Variants in ERN1 observed in about 807,000 individuals in gnomAD.
ERN1 encodes serine/threonine-protein kinase/endoribonuclease IRE1.
Under a neutral mutation model 113.1 loss-of-function variants are expected in ERN1, and 39 were observed. That is an observed-to-expected ratio of 0.34 (90% confidence interval 0.27 to 0.45). The LOEUF (loss-of-function observed/expected upper bound fraction) is 0.45, where lower values mean the gene tolerates loss of function less well. Ranked by LOEUF, ERN1 falls within the 20% of genes least tolerant of loss-of-function variation. The pLI is 1.00. For synonymous variants in ERN1, 507 were observed against 515.9 expected (o/e 0.98, Z 0.23); for missense variants, 976 against 1,274.8 (o/e 0.77, Z 3.57).
In ERN1 at chr17:64,055,835, C is replaced by G; in HGVS notation, c.1512G>C (p.Thr504=). ...TGTCCAGGAGCTCGCCGTCCTGAGC[C>G]GTGTCTCCAGGTGGGTGGAAGGGCA... The part of the protein sequence containing the change: ...QQLPFHPPGD[T]AQDGELLDTS... The change falls in exon 13 of 22, where the codon ACG becomes ACC. Residue 504 remains threonine, a synonymous_variant. Transcript: ENST00000433197. 6.4e-7 allele frequency: 1 copy of G among 1,557,154 alleles called. No homozygotes were observed. Among genetic ancestry groups the G allele is most frequent in the African/African-American group, 1.4e-5 (1 of 73,438 alleles).
At chr17:64,118,187 T>C (rs1914862216) in intron 1 of ERN1, among the ~76,000 whole-genome samples, 1 of 152,082 alleles carries the variant, frequency 6.6e-6, no homozygotes, top group Non-Finnish European at 1.5e-5. Context: ...ACCAAAGAGA[T>C]TTTCTGGTTC....
At chr17:64,048,096 A>G in intron 18 of ERN1, 111 bp from the exon 19 acceptor site, 1 of 984,006 alleles carries the variant, frequency 1.0e-6, no homozygotes, top group Non-Finnish European at 1.4e-6. Context: ...ATTTACAGGA[A>G]TTTATTCCAA....
intron 1 of ERN1, among the ~76,000 whole-genome samples, chr17:64,103,700 T>C (rs1356310128): frequency 2.0e-5 from 3 of 152,184 alleles, no homozygotes; most frequent in African/African-American, 7.2e-5. Context: ...CTTCCATTAA[T>C]TAACTACTTA....
chr17:64,084,422 T>C (rs915998823), intron 2 of ERN1, among the ~76,000 whole-genome samples: 4 of 152,104 alleles, frequency 2.6e-5, no homozygotes, highest in African/African-American at 9.7e-5. Flanking sequence ...TGTGTGGACT[T>C]TGGAATCAGA....
At chr17:64,070,900 T>TTCAC (rs1418007214) in intron 6 of ERN1, among the ~76,000 whole-genome samples, 2 of 152,204 alleles carry the variant, frequency 1.3e-5, no homozygotes, top group African/African-American at 4.8e-5. Context: ...GACCCACCCA[T>TTCAC]TCATACATTC....
chr17:64,056,039 G>C, intron 12 of ERN1, 91 bp from the exon 13 acceptor site: 1 of 1,452,810 alleles, frequency 6.9e-7, no homozygotes, highest in African/African-American at 1.4e-5. Context: ...GGCGGAGGGA[G>C]CATGTGTACT....
chr17:64,084,205 C>T (rs1377096414), intron 2 of ERN1, among the ~76,000 whole-genome samples: 4 of 152,054 alleles, frequency 2.6e-5, no homozygotes, highest in South Asian at 2.1e-4. Context: ...TCCTGACTAC[C>T]GTATTTTATT....
Position 64,063,841 on chromosome 17 carries a change from G to T in ERN1, c.1087+145C>A, listed in dbSNP as rs1598053755. 1 of 665,556 alleles carries T rather than the reference G, an allele frequency of 1.5e-6. No homozygotes were observed. Among genetic ancestry groups the T allele is most frequent in the East Asian group, 2.8e-5 (1 of 36,140 alleles). 41.2% of individuals were successfully genotyped at this position (665,556 alleles called of 1,614,324 possible). The stretch of plus-strand genomic sequence containing the variant: ...GTTGATTTTCCTTGGGGGTAAAAAT[G>T]TCCCAAGGTCTCAGGGGCCAGCCGG... On this transcript the variant is annotated intron_variant, in intron 10 of 21. Coordinates refer to ENST00000433197, the MANE Select transcript of ERN1 (RefSeq NM_001433.5). The surrounding 1 kb of genome is among the most constrained non-coding windows in gnomAD (Gnocchi z 5.1).
At chr17:64,073,133 T>C (rs901383903) in intron 5 of ERN1, among the ~76,000 whole-genome samples, 3 of 151,050 alleles carry the variant, frequency 2.0e-5, no homozygotes, top group Non-Finnish European at 4.4e-5. Context: ...AGCCTCCCCA[T>C]AGTTGAGACT....
At position 64,044,876 on chromosome 17, in the gene ERN1, C is replaced by T. The variant is rs368195187; in HGVS notation, c.2705G>A (p.Arg902Gln). Residue 902 changes from arginine (R) to glutamine (Q), a missense_variant, in exon 21 of 22, where the codon CGA (arginine) becomes CAA (glutamine). Physicochemically the swap from Arg to Gln is conservative, Grantham distance 43. Around this residue, in one of 5 missense-constraint regions of ERN1, gnomAD observed 297 missense variants for 457.8 expected, o/e 0.65. Coordinates refer to ENST00000433197, the MANE Select transcript of ERN1 (RefSeq NM_001433.5). This position sits in a 1 kb window ranked among gnomAD's most constrained non-coding sequence, Gnocchi z 4.1. ...ACTGCTTACCTTATTTCTCATGGCT[C>T]GGAGGAGATCTCTGACAGAACCACC... is the stretch of plus-strand genomic sequence containing the variant. ...YKGGSVRDLL[R>Q]AMRNKKHHYR... 5 of 1,588,554 alleles carry T rather than the reference C, an allele frequency of 3.1e-6. No homozygotes were observed. The highest frequency in any genetic ancestry group is 4.3e-6 in the Non-Finnish European group (5 of 1,166,602).
At position 64,130,049 on chromosome 17, in the gene ERN1, C is replaced by T; in HGVS notation, c.-20G>A. The T allele has an allele frequency of 7.2e-7, 1 of 1,396,066 alleles. No individual in the cohort carries two copies. The highest frequency in any genetic ancestry group is 3.0e-5 in the East Asian group (1 of 33,084). 86.5% of individuals were successfully genotyped at this position (1,396,066 alleles called of 1,614,324 possible). A position where few individuals can be genotyped will look rare whatever the true frequency, so the allele number is the denominator to read the frequency against. On this transcript the variant is annotated 5_prime_UTR_variant, in exon 1 of 22. Transcript: ENST00000433197. This position sits in a 1 kb window ranked among gnomAD's most constrained non-coding sequence, Gnocchi z 4.0. ...CGGCATGGCGAGGACTCGGCCCTGG[C>T]TCCGGGGGCGGTACGGACAGAGGAC...
At position 64,075,251 on chromosome 17, in the gene ERN1, TAAAAAAAAAAA is replaced by T; in HGVS notation, c.283-15_283-5del. On this transcript the variant is annotated splice_polypyrimidine_tract_variant and splice_region_variant and intron_variant, in intron 4 of 21. Transcript: ENST00000433197. ...CTGGGATGGTAAAAGGAAGTTTCTT[TAAAAAAAAAAA>T]AAAAGAAAAAAAAAAGTTAACCAAG... 2 of 1,288,340 alleles carry T rather than the reference TAAAAAAAAAAA, an allele frequency of 1.6e-6. No homozygotes were observed. Among genetic ancestry groups the T allele is most frequent in the Non-Finnish European group, 1.0e-6 (1 of 980,736 alleles). The allele number at this position is 1,288,340 out of a possible 1,614,324, so 79.8% of individuals were successfully genotyped here.
chr17:64,068,346 G>A lies in ERN1; in HGVS notation c.479-55C>T, dbSNP rs149781555. 449 of 1,228,958 alleles carry A rather than the reference G, an allele frequency of 3.7e-4. No homozygotes were observed. In the African/African-American group the frequency reaches 6.2e-3, roughly 17 times the overall value. 76.1% of individuals were successfully genotyped at this position (1,228,958 alleles called of 1,614,324 possible). A position where few individuals can be genotyped will look rare whatever the true frequency, so the allele number is the denominator to read the frequency against. On this transcript the variant is annotated intron_variant, in intron 6 of 21. Transcript: ENST00000433197. ...CCACGGAGGGGCCATAGTACCTACT[G>A]AGGTGTGGTCCTTATCTAATTATAA...
chr17:64,107,014 T>C (rs967294054), intron 1 of ERN1, among the ~76,000 whole-genome samples: 1 of 152,220 alleles, frequency 6.6e-6, no homozygotes, highest in Non-Finnish European at 1.5e-5. Context: ...GCCTGGGCAT[T>C]TGTGATTCTC....
chr17:64,055,833 G>C lies in ERN1; in HGVS notation c.1514C>G (p.Ala505Gly). Reference sequence around the variant, plus strand: ...CGTGTCCAGGAGCTCGCCGTCCTGAGCCGTGTCTCCAGGTGGGTGGAAGGG... The same window carrying C: ...CGTGTCCAGGAGCTCGCCGTCCTGACCCGTGTCTCCAGGTGGGTGGAAGGG... ...QLPFHPPGDT[A>G]QDGELLDTSG... The change falls in exon 13 of 22, where the codon GCT (alanine) becomes GGT (glycine). Residue 505 changes from alanine (A) to glycine (G), a missense_variant. By Grantham distance (60) the Ala-to-Gly change is moderately conservative (BLOSUM62 0). Around this residue, in one of 5 missense-constraint regions of ERN1, gnomAD observed 112 missense variants for 106.2 expected, o/e 1.05. Coordinates refer to ENST00000433197, the MANE Select transcript of ERN1 (RefSeq NM_001433.5). The C allele has an allele frequency of 6.4e-7, 1 of 1,558,018 alleles. No homozygotes were observed. Among genetic ancestry groups the C allele is most frequent in the East Asian group, 2.4e-5 (1 of 41,604 alleles).
intron 1 of ERN1, chr17:64,128,664 T>C (rs1442881973): frequency 2.0e-5 from 3 of 152,148 alleles, no homozygotes; most frequent in Non-Finnish European, 4.4e-5. Flanking sequence ...TAGTTACCAA[T>C]CCAAGGTGAG....
rs879760354 is a variant in ERN1 at position 64,130,094 on chromosome 17, G to A, written c.-65C>T. ...GAGGACGGGGCGGGGGCGCCGCGAC[G>A]ACAGCGAGGCGGTGACCGAGCCTCA... is the stretch of plus-strand genomic sequence containing the variant. On this transcript the variant is annotated 5_prime_UTR_variant, in exon 1 of 22. Coordinates refer to ENST00000433197, the MANE Select transcript of ERN1 (RefSeq NM_001433.5). The surrounding 1 kb of genome is among the most constrained non-coding windows in gnomAD (Gnocchi z 4.0). The A allele has an allele frequency of 8.6e-5, 110 of 1,277,486 alleles. No homozygotes were observed. The highest frequency in any genetic ancestry group is 5.0e-4 in the Middle Eastern group (2 of 4,010). The allele number at this position is 1,277,486 out of a possible 1,614,324, so 79.1% of individuals were successfully genotyped here. A position where few individuals can be genotyped will look rare whatever the true frequency, so the allele number is the denominator to read the frequency against.
chr17:64,090,239 A>T (rs905908723), intron 2 of ERN1, among the ~76,000 whole-genome samples: 27 of 152,208 alleles, frequency 1.8e-4, no homozygotes, highest in Admixed American at 3.3e-4. Flanking sequence ...CTGGAAAAGG[A>T]TGTAATAAGT....
intron 1 of ERN1, among the ~76,000 whole-genome samples, chr17:64,111,388 T>C (rs1914667923): frequency 6.6e-6 from 1 of 150,676 alleles, no homozygotes; most frequent in Non-Finnish European, 1.5e-5. Flanking sequence ...AGAGTTTGAC[T>C]CTTGTTGTCT....
Sources: gnomAD v4.1 joint callset for allele counts (sites outside exome capture counted in the v4.1 genomes callset) on GRCh38, gnomAD v4.1.1 for gene constraint, gnomAD v4.1.1 regional missense constraint, Gnocchi (gnomAD v3.1) non-coding constraint, MANE v1.5 for transcripts, NCBI Gene and HGNC (gene_info 2026-07-23, HGNC 2026-07-21) for gene names.